The following SLC39A11 variants were observed in gnomAD, a reference collection of about 807,000 sequenced individuals.
The protein encoded by SLC39A11 is solute carrier family 39 member 11, also known as zinc transporter ZIP11.
SLC39A11 carries 33 observed loss-of-function variants against 36.1 expected under a neutral mutation model. The observed-to-expected ratio is 0.91, with a 90% CI of 0.69 to 1.22. The LOEUF is 1.22. Among genes scored for constraint, SLC39A11 ranks in the 50% most tolerant of loss-of-function variants. The probability of loss-of-function intolerance (pLI) is 0.00; values close to 1 mark genes in which losing one functional copy is unlikely to be tolerated. For synonymous variants in SLC39A11, 166 were observed against 170.3 expected (o/e 0.97, Z 0.20); for missense variants, 432 against 430.3 (o/e 1.00, Z -0.03).
At chr17:72,735,990 C>A (rs139579205) in intron 7 of SLC39A11, among the ~76,000 whole-genome samples, 1 of 152,282 alleles carries the variant, frequency 6.6e-6, no homozygotes, top group Non-Finnish European at 1.5e-5. Context: ...ACAGGGAACC[C>A]TGGAGGAGGG....
chr17:73,019,099 A>T (rs923550850), intron 4 of SLC39A11, among the ~76,000 whole-genome samples: 2 of 152,194 alleles, frequency 1.3e-5, no homozygotes, highest in African/African-American at 4.8e-5. Context: ...TCTTCAAATA[A>T]TGAAGGCAAA....
chr17:72,978,748 G>A (rs376526055), intron 4 of SLC39A11, among the ~76,000 whole-genome samples: 16 of 152,220 alleles, frequency 1.1e-4, no homozygotes, highest in African/African-American at 3.9e-4. Context: ...GGAGTGGACA[G>A]GATGGGTCCA....
intron 5 of SLC39A11, among the ~76,000 whole-genome samples, chr17:72,897,280 T>C (rs748476930): frequency 6.6e-6 from 1 of 152,182 alleles, no homozygotes; most frequent in Non-Finnish European, 1.5e-5. Flanking sequence ...CCATCTGCAC[T>C]GTGCTGTCTA....
intron 4 of SLC39A11, among the ~76,000 whole-genome samples, chr17:73,019,833 G>A (rs1039572357): frequency 1.3e-5 from 2 of 151,970 alleles, no homozygotes; most frequent in African/African-American, 4.8e-5. Context: ...GGAGATCCTT[G>A]GACTAGATGA....
intron 7 of SLC39A11, among the ~76,000 whole-genome samples, chr17:72,679,019 A>C (rs2071397888): frequency 6.6e-6 from 1 of 152,196 alleles, no homozygotes; most frequent in East Asian, 1.9e-4. Flanking sequence ...TAGGCCAGGC[A>C]CAGAAAGACA....
chr17:72,912,670 G>C (rs115372307), intron 5 of SLC39A11, among the ~76,000 whole-genome samples: 78,273 of 151,582 alleles, frequency 0.52, 20,251 homozygotes, highest in African/African-American at 0.55. Context: ...CTGAGGGTAC[G>C]GGGGTGAGGA....
intron 4 of SLC39A11, among the ~76,000 whole-genome samples, chr17:72,962,418 T>G (rs2086672222): frequency 6.6e-6 from 1 of 152,242 alleles, no homozygotes; most frequent in African/African-American, 2.4e-5. Context: ...GCATATTGGC[T>G]GTTGTAAGAA....
At chr17:72,702,688 A>G (rs569737260) in intron 7 of SLC39A11, among the ~76,000 whole-genome samples, 2 of 152,052 alleles carry the variant, frequency 1.3e-5, no homozygotes, top group East Asian at 3.9e-4. Flanking sequence ...TGTAATCCCA[A>G]CACTTTGGGA....
At chr17:73,046,865 C>A (rs1047376195) in intron 3 of SLC39A11, among the ~76,000 whole-genome samples, 1 of 151,440 alleles carries the variant, frequency 6.6e-6, no homozygotes, top group African/African-American at 2.4e-5. Context: ...CGCTTGAGCC[C>A]GGGCGGTTGA....
intron 5 of SLC39A11, among the ~76,000 whole-genome samples, chr17:72,931,977 C>A (rs1205528629): frequency 6.6e-6 from 1 of 152,196 alleles, no homozygotes; most frequent in Admixed American, 6.5e-5. Flanking sequence ...ACATGCACGT[C>A]TTCTACACCT....
chr17:72,901,296 G>A (rs2082384222), intron 5 of SLC39A11, among the ~76,000 whole-genome samples: 1 of 152,206 alleles, frequency 6.6e-6, no homozygotes, highest in Non-Finnish European at 1.5e-5. Context: ...CCCTGCTGAG[G>A]CGAAGGCCCA....
chr17:72,744,755 G>A (rs1033641116), intron 6 of SLC39A11, among the ~76,000 whole-genome samples: 1 of 152,164 alleles, frequency 6.6e-6, no homozygotes, highest in Non-Finnish European at 1.5e-5. Flanking sequence ...TCCCACTCAT[G>A]AGGGCTCCAA....
At chr17:72,986,299 G>A (rs1397904059) in intron 4 of SLC39A11, among the ~76,000 whole-genome samples, 1 of 152,204 alleles carries the variant, frequency 6.6e-6, no homozygotes, top group Admixed American at 6.5e-5. Context: ...ACCACTAGGG[G>A]GAGATGTTGA....
At position 72,902,882 on chromosome 17, in the gene SLC39A11, G is replaced by A. The variant is rs79721137; in HGVS notation, c.430+44870C>T. 2.1e-3 allele frequency among the ~76,000 whole-genome samples: 325 copies of A among 152,240 alleles called. 2 individuals carry two copies. The highest frequency in any genetic ancestry group is 0.012 in the East Asian group (64 of 5,184). ...ACTATTATAGAGTGGATCTTGCCTT[G>A]CAAATAAGGGAAACTCAGAATTATT... On this transcript the variant is annotated intron_variant, in intron 5 of 9. Transcript: ENST00000255559.
intron 6 of SLC39A11, among the ~76,000 whole-genome samples, chr17:72,781,019 C>T (rs1355995189): frequency 6.6e-6 from 1 of 152,126 alleles, no homozygotes; most frequent in African/African-American, 2.4e-5. Context: ...ATTCCCAAAT[C>T]AGCTTATTTC....
chr17:72,819,636 A>G (rs1202471097), intron 6 of SLC39A11, among the ~76,000 whole-genome samples: 1 of 151,158 alleles, frequency 6.6e-6, no homozygotes, highest in Non-Finnish European at 1.5e-5. Flanking sequence ...AACTTCTAGA[A>G]GCCCAAAAAA....
At chr17:73,052,383 T>C (rs2059534692) in intron 3 of SLC39A11, among the ~76,000 whole-genome samples, 1 of 150,644 alleles carries the variant, frequency 6.6e-6, no homozygotes, top group African/African-American at 2.4e-5. Flanking sequence ...CCGAAAACAC[T>C]TTGCTCTTTT....
chr17:72,981,101 A>T (rs9907321), intron 4 of SLC39A11, among the ~76,000 whole-genome samples: 7 of 152,146 alleles, frequency 4.6e-5, no homozygotes, highest in Admixed American at 1.3e-4. Context: ...AAGGGGAAGG[A>T]AACAGGTGAA....
chr17:72,982,009 A>T (rs1168047854), intron 4 of SLC39A11, among the ~76,000 whole-genome samples: 1 of 152,152 alleles, frequency 6.6e-6, no homozygotes, highest in African/African-American at 2.4e-5. Context: ...TTGGGAGGCC[A>T]AGGCAAGAGG....
Sources: allele counts gnomAD v4.1 joint callset (sites outside exome capture counted in the v4.1 genomes callset), GRCh38; gene constraint gnomAD v4.1.1; transcripts MANE v1.5; gene names NCBI Gene and HGNC (gene_info 2026-07-23, HGNC 2026-07-21).